The following IMMP2L variants were observed in gnomAD, a reference collection of about 807,000 sequenced individuals.
IMMP2L encodes mitochondrial inner membrane protease subunit 2.
A neutral mutation model predicts 19.3 loss-of-function variants in IMMP2L; 18 were observed. The ratio of observed to expected loss-of-function variants is 0.93; its 90% CI spans 0.64 to 1.38. The LOEUF (loss-of-function observed/expected upper bound fraction) is 1.38, where lower values mean the gene tolerates loss of function less well. Ranked by LOEUF, IMMP2L falls within the 40% of genes most tolerant of loss-of-function variation. The pLI, the probability that IMMP2L is intolerant of heterozygous loss-of-function variation, is 0.00. For synonymous variants in IMMP2L, 76 were observed against 73.0 expected (o/e 1.04, Z -0.21); for missense variants, 233 against 218.2 (o/e 1.07, Z -0.43).
At chr7:110,846,348 CTTT>C (rs919194286) in intron 5 of IMMP2L, among the ~76,000 whole-genome samples, 19 of 126,392 alleles carry the variant, frequency 1.5e-4, no homozygotes, top group South Asian at 2.7e-4. Flanking sequence ...ACCCTGATTT[CTTT>C]TTTTTTTTTT....
rs761468604 is a variant in IMMP2L at position 111,213,286 on chromosome 7, T to C, written c.240-249721A>G. Among the ~76,000 whole-genome samples the C allele has an allele frequency of 6.6e-6, 1 of 152,218 alleles. No homozygotes were observed. The highest frequency in any genetic ancestry group is 1.5e-5 in the Non-Finnish European group (1 of 68,038). On this transcript the variant is annotated intron_variant, in intron 3 of 5. Transcript: ENST00000405709. This position sits in a 1 kb window ranked among gnomAD's most constrained non-coding sequence, Gnocchi z 4.8. ...GGGCAGCACTGACATACCAGCACCC[T>C]GCTGCCTCAGCCCCCTCCAGGCTTT...
chr7:110,682,377 C>T (rs916986567), intron 5 of IMMP2L, among the ~76,000 whole-genome samples: 1 of 152,142 alleles, frequency 6.6e-6, no homozygotes, highest in African/African-American at 2.4e-5. Context: ...CTATTTAGTT[C>T]TTTCTCTCTA....
At position 111,193,112 on chromosome 7, in the gene IMMP2L, A is replaced by G. The variant is rs115419739; in HGVS notation, c.240-229547T>C. ...AAACATGGGAGAACAGAGAGAAAGG[A>G]AAAGATTGAGGAGAGATTAATGTGA... On this transcript the variant is annotated intron_variant, in intron 3 of 5. Transcript: ENST00000405709. Among the ~76,000 whole-genome samples, 915 of 152,272 alleles carry G rather than the reference A, an allele frequency of 6.0e-3. 15 individuals are homozygous for G. The highest frequency in any genetic ancestry group is 0.02 in the African/African-American group (847 of 41,530).
chr7:110,764,800 C>T (rs183477934), intron 5 of IMMP2L, among the ~76,000 whole-genome samples: 1 of 152,022 alleles, frequency 6.6e-6, no homozygotes, highest in Non-Finnish European at 1.5e-5. Context: ...ATCATTACTC[C>T]TGAAAGAATT....
intron 3 of IMMP2L, among the ~76,000 whole-genome samples, chr7:110,988,776 T>C (rs1822125705): frequency 6.6e-6 from 1 of 152,188 alleles, no homozygotes; most frequent in African/African-American, 2.4e-5. Flanking sequence ...TAAAAAGGAA[T>C]AGTATGTATT....
chr7:111,435,662 C>T (rs1346764849), intron 3 of IMMP2L, among the ~76,000 whole-genome samples: 1 of 151,750 alleles, frequency 6.6e-6, no homozygotes, highest in Non-Finnish European at 1.5e-5. Context: ...TGCACTTGTC[C>T]CCACTAAATA....
chr7:110,870,194 G>A lies in IMMP2L; in HGVS notation c.408+16399C>T, dbSNP rs977916681. Among the ~76,000 whole-genome samples the A allele has an allele frequency of 3.9e-5, 6 of 152,060 alleles. No individual in the cohort carries two copies. Among genetic ancestry groups the A allele is most frequent in the African/African-American group, 1.4e-4 (6 of 41,426 alleles). ...CCATCTCATCCTCTTTCTGAAAAGT[G>A]CATCATGTCAGGAGCCTTCTTCCAA... On this transcript the variant is annotated intron_variant, in intron 5 of 5. Transcript: ENST00000405709. This position sits in a 1 kb window ranked among gnomAD's most constrained non-coding sequence, Gnocchi z 4.2.
chr7:111,445,752 G>T (rs554234861), intron 3 of IMMP2L, among the ~76,000 whole-genome samples: 2 of 152,218 alleles, frequency 1.3e-5, no homozygotes, highest in South Asian at 4.1e-4. Flanking sequence ...CCCAGCGTGA[G>T]TGACGCAGAA....
At chr7:110,767,566 C>T (rs1261000810) in intron 5 of IMMP2L, among the ~76,000 whole-genome samples, 1 of 152,174 alleles carries the variant, frequency 6.6e-6, no homozygotes, top group East Asian at 1.9e-4. Flanking sequence ...CTCAGTTATA[C>T]AAGAACGATA....
intron 4 of IMMP2L, among the ~76,000 whole-genome samples, chr7:110,910,487 G>C (rs1011464320): frequency 2.0e-5 from 3 of 152,122 alleles, no homozygotes; most frequent in African/African-American, 7.2e-5. Flanking sequence ...AACCAGGAAG[G>C]GAAATTTTCA....
chr7:111,082,486 C>A (rs1177434897), intron 3 of IMMP2L, among the ~76,000 whole-genome samples: 1 of 152,190 alleles, frequency 6.6e-6, no homozygotes, highest in Non-Finnish European at 1.5e-5. Flanking sequence ...TCTTTCTCAG[C>A]TCCATAATGC....
intron 5 of IMMP2L, among the ~76,000 whole-genome samples, chr7:110,860,285 C>T (rs371691225): frequency 1.2e-4 from 18 of 152,018 alleles, no homozygotes; most frequent in African/African-American, 4.3e-4. Flanking sequence ...AAAAATATTT[C>T]AGTCACGTGA....
intron 3 of IMMP2L, among the ~76,000 whole-genome samples, chr7:111,316,845 CTTTTTTTT>C (rs869155077): frequency 1.8e-4 from 14 of 75,898 alleles, no homozygotes; most frequent in Non-Finnish European, 2.9e-4. Context: ...TTTTTTTTTT[CTTTTTTTT>C]TTTTTTTTTT....
At chr7:110,831,930 GT>G (rs1422071351) in intron 5 of IMMP2L, among the ~76,000 whole-genome samples, 1 of 151,946 alleles carries the variant, frequency 6.6e-6, no homozygotes, top group Non-Finnish European at 1.5e-5. Context: ...TCCCAGCAGG[GT>G]TTTTTTTAAA....
intron 3 of IMMP2L, among the ~76,000 whole-genome samples, chr7:111,316,857 T>C (rs934955536): frequency 1.4e-5 from 2 of 139,700 alleles, no homozygotes; most frequent in African/African-American, 5.3e-5. Flanking sequence ...TTTTTTTTTT[T>C]TTTTTTTTTT....
chr7:111,516,752 G>C (rs1382366394), intron 2 of IMMP2L, among the ~76,000 whole-genome samples: 2 of 152,016 alleles, frequency 1.3e-5, no homozygotes, highest in African/African-American at 4.8e-5. Flanking sequence ...CATCCTAAGG[G>C]GTAAAACATC....
chr7:111,122,589 C>T, intron 3 of IMMP2L: 1 of 575,900 alleles, frequency 1.7e-6, no homozygotes, highest in South Asian at 2.4e-5. Context: ...ATATGCATGA[C>T]ATTTTTGGAC....
intron 3 of IMMP2L, among the ~76,000 whole-genome samples, chr7:111,062,475 C>T (rs1324018778): frequency 2.0e-5 from 3 of 152,118 alleles, no homozygotes; most frequent in Non-Finnish European, 4.4e-5. Flanking sequence ...CCCTACCCCT[C>T]CCAATTCTCA....
chr7:111,213,165 C>T lies in IMMP2L; in HGVS notation c.240-249600G>A, dbSNP rs1187592493. 2.0e-5 allele frequency among the ~76,000 whole-genome samples: 3 copies of T among 152,220 alleles called. No individual in the cohort carries two copies. The highest frequency in any genetic ancestry group is 1.3e-4 in the Admixed American group (2 of 15,292). The stretch of plus-strand genomic sequence containing the variant: ...TCAGAGGTGCCTGCTGTCACTGCCT[C>T]GCCTCTCCTTGCTCCCTGCACTTGC... On this transcript the variant is annotated intron_variant, in intron 3 of 5. Coordinates refer to ENST00000405709, the MANE Select transcript of IMMP2L (RefSeq NM_032549.4). The surrounding 1 kb of genome is among the most constrained non-coding windows in gnomAD (Gnocchi z 4.8).
Sources: gnomAD v4.1 joint callset for allele counts (sites outside exome capture counted in the v4.1 genomes callset) on GRCh38, gnomAD v4.1.1 for gene constraint, Gnocchi (gnomAD v3.1) non-coding constraint, MANE v1.5 for transcripts, NCBI Gene and HGNC (gene_info 2026-07-23, HGNC 2026-07-21) for gene names.